The following CDH18 variants were observed in gnomAD, a reference collection of about 807,000 sequenced individuals.
CDH18 encodes the protein cadherin 18.
CDH18 carries 31 observed loss-of-function variants against 67.9 expected under a neutral mutation model. That is an observed-to-expected ratio of 0.46 (90% CI 0.34 to 0.62). CDH18 has a LOEUF of 0.62. CDH18 is among the 20% of genes least tolerant of loss of function. The pLI is 0.01. For missense variants in CDH18, 890 were observed against 975.5 expected, an observed-to-expected ratio of 0.91 and a Z score of 1.17; for synonymous variants, 362 against 347.2, an observed-to-expected ratio of 1.04 and a Z score of -0.48.
At chr5:20,111,989 T>C (rs1049967552) in intron 2 of CDH18, among the ~76,000 whole-genome samples, 3 of 152,250 alleles carry the variant, frequency 2.0e-5, no homozygotes, top group Non-Finnish European at 4.4e-5. Flanking sequence ...TACAGTATAC[T>C]ATCATGTCAG....
At chr5:20,100,218 T>C (rs1333641885) in intron 2 of CDH18, among the ~76,000 whole-genome samples, 2 of 152,216 alleles carry the variant, frequency 1.3e-5, no homozygotes, top group African/African-American at 2.4e-5. Flanking sequence ...AAAATACTTC[T>C]TGGATAAAAG....
rs186226413 is a variant in CDH18 at position 19,729,157 on chromosome 5, T to C, written c.524-7691A>G. Reference sequence around the variant, plus strand: ...GGATCTTATTTATGGCACTAACTAATGTGAAATTTCACATTCACATGTACA... The same window carrying C: ...GGATCTTATTTATGGCACTAACTAACGTGAAATTTCACATTCACATGTACA... On this transcript the variant is annotated intron_variant, in intron 4 of 12. Transcript: ENST00000382275. Among the ~76,000 whole-genome samples the C allele has an allele frequency of 1.9e-3, 290 of 152,290 alleles. 1 individual carries two copies. Among genetic ancestry groups the C allele is most frequent in the Middle Eastern group, 0.01 (3 of 294 alleles).
chr5:20,449,314 T>A (rs2150204082), intron 1 of CDH18, among the ~76,000 whole-genome samples: 1 of 152,228 alleles, frequency 6.6e-6, no homozygotes, highest in East Asian at 1.9e-4. Flanking sequence ...AATGTGAGTG[T>A]AAGTGCTGGA....
At chr5:20,225,021 G>A (rs538557230) in intron 2 of CDH18, among the ~76,000 whole-genome samples, 6 of 151,740 alleles carry the variant, frequency 4.0e-5, no homozygotes, top group South Asian at 2.1e-4. Context: ...CTACTTAAAC[G>A]TGCAAAGTAA....
At chr5:20,335,863 T>C (rs1362944003) in intron 1 of CDH18, among the ~76,000 whole-genome samples, 1 of 152,204 alleles carries the variant, frequency 6.6e-6, no homozygotes, top group Non-Finnish European at 1.5e-5. Flanking sequence ...CTACTTTTCA[T>C]TGGTGTGTTA....
intron 1 of CDH18, among the ~76,000 whole-genome samples, chr5:20,382,314 G>T (rs1005341877): frequency 6.6e-6 from 1 of 152,198 alleles, no homozygotes; most frequent in Non-Finnish European, 1.5e-5. Flanking sequence ...CATTGGAAAA[G>T]ATGAGGAGAT....
At chr5:19,542,765 G>A (rs916607789) in intron 9 of CDH18, among the ~76,000 whole-genome samples, 2 of 152,086 alleles carry the variant, frequency 1.3e-5, no homozygotes, top group Admixed American at 6.5e-5. Context: ...GTGAAAGAGT[G>A]TGGGGGATTA....
chr5:19,783,616 T>A (rs149103816), intron 3 of CDH18, among the ~76,000 whole-genome samples: 10 of 152,252 alleles, frequency 6.6e-5, no homozygotes, highest in Non-Finnish European at 1.2e-4. Flanking sequence ...TGTCACCACA[T>A]GGGGACATAT....
At chr5:19,968,617 T>C (rs958492967) in intron 2 of CDH18, among the ~76,000 whole-genome samples, 22 of 147,872 alleles carry the variant, frequency 1.5e-4, no homozygotes, top group Non-Finnish European at 2.6e-4. Context: ...TAATAAATGG[T>C]GCTGGGAAAA....
chr5:20,534,904 C>A (rs1756627722), intron 1 of CDH18, among the ~76,000 whole-genome samples: 2 of 151,738 alleles, frequency 1.3e-5, no homozygotes, highest in East Asian at 1.9e-4. Context: ...TGCAGCAGCA[C>A]AATCATAGCT....
chr5:19,624,921 A>G (rs1751285608), intron 5 of CDH18, among the ~76,000 whole-genome samples: 2 of 152,150 alleles, frequency 1.3e-5, no homozygotes. Context: ...TGAGAGCTGT[A>G]AACAGTTATT....
At chr5:20,358,932 CTT>C (rs66786530) in intron 1 of CDH18, among the ~76,000 whole-genome samples, 3,690 of 128,066 alleles carry the variant, frequency 0.029, 88 homozygotes, top group African/African-American at 0.084. Context: ...TTTTTTCTTT[CTT>C]TTTTTTTTTT....
rs563569084 is a variant in CDH18, at chr5:20,524,284, T to C, written c.-580+51178A>G. ...TGTATAAAATAGATTATAATTAGTT[T>C]TCTTAGATTCAGATATATCTTTAAA... On this transcript the variant is annotated intron_variant, in intron 1 of 14. Coordinates refer to the CDH18 transcript ENST00000507958. 3.9e-5 allele frequency among the ~76,000 whole-genome samples: 6 copies of C among 152,308 alleles called. No individual in the cohort carries two copies. The East Asian group carries it at 1.2e-3, about 29-fold the overall frequency.
chr5:20,226,828 A>G (rs541714493), intron 2 of CDH18, among the ~76,000 whole-genome samples: 1 of 152,108 alleles, frequency 6.6e-6, no homozygotes, highest in Non-Finnish European at 1.5e-5. Flanking sequence ...GGAGCAGAGG[A>G]GACAAGGCAC....
At chr5:20,051,383 T>G (rs1443700970) in intron 2 of CDH18, among the ~76,000 whole-genome samples, 1 of 151,938 alleles carries the variant, frequency 6.6e-6, no homozygotes, top group Non-Finnish European at 1.5e-5. Flanking sequence ...CTATAATATT[T>G]CTACCACTAT....
intron 2 of CDH18, among the ~76,000 whole-genome samples, chr5:20,187,033 CCA>C (rs1738157140): frequency 6.6e-6 from 1 of 151,702 alleles, no homozygotes; most frequent in Non-Finnish European, 1.5e-5. Flanking sequence ...GTGAAAGAAG[CCA>C]GTCACAAAAA....
At chr5:19,764,779 C>G (rs1581245612) in intron 3 of CDH18, among the ~76,000 whole-genome samples, 2 of 152,116 alleles carry the variant, frequency 1.3e-5, no homozygotes, top group Non-Finnish European at 2.9e-5. Flanking sequence ...GAATGTTTTA[C>G]CACTCTTTGT....
chr5:19,565,968 C>A (rs1329294368), intron 8 of CDH18, among the ~76,000 whole-genome samples: 1 of 151,904 alleles, frequency 6.6e-6, no homozygotes, highest in African/African-American at 2.4e-5. Flanking sequence ...TCAGATTATC[C>A]ATATGACCAG....
intron 1 of CDH18, among the ~76,000 whole-genome samples, chr5:20,453,322 AT>A (rs1379674370): frequency 2.0e-5 from 3 of 152,150 alleles, no homozygotes; most frequent in Non-Finnish European, 2.9e-5. Flanking sequence ...TAATATGAGC[AT>A]TTTAATTTGA....
Sources: gnomAD v4.1 joint callset for allele counts (sites outside exome capture counted in the v4.1 genomes callset) on GRCh38, gnomAD v4.1.1 for gene constraint, MANE v1.5 for transcripts, NCBI Gene and HGNC (gene_info 2026-07-23, HGNC 2026-07-21) for gene names.